The following NRXN3 variants were observed in gnomAD, a reference collection of about 807,000 sequenced individuals.
NRXN3 encodes neurexin 3, also known as neurexin III.
Under a neutral mutation model 137.6 loss-of-function variants are expected in NRXN3, and 32 were observed. That is an observed-to-expected ratio of 0.23 (90% CI 0.18 to 0.31). The LOEUF is 0.31. Among genes scored for constraint, NRXN3 ranks in the 10% least tolerant of loss-of-function variants. The pLI, the probability that NRXN3 is intolerant of heterozygous loss-of-function variation, is 1.00. For missense variants in NRXN3, 1,574 were observed against 2,062.5 expected (o/e 0.76, Z 4.59); for synonymous variants, 798 against 784.5 (o/e 1.02, Z -0.29).
rs913031616 is a variant in NRXN3, at chr14:79,768,087, G to A, written c.4015-37025G>A. On this transcript the variant is annotated intron_variant, in intron 19 of 20. Coordinates refer to ENST00000335750, the MANE Select transcript of NRXN3 (RefSeq NM_001330195.2). ...GACGGGCTTAAAAAATGGCGCACCA[G>A]GAGATTATATCCCTCACCTGGCTCG... 2.0e-5 allele frequency among the ~76,000 whole-genome samples: 3 copies of A among 152,358 alleles called. No individual in the cohort carries two copies. The South Asian group carries it at 6.2e-4, about 32-fold the overall frequency.
intron 15 of NRXN3, among the ~76,000 whole-genome samples, chr14:79,013,443 A>G (rs1024003612): frequency 4.0e-4 from 61 of 152,182 alleles, no homozygotes; most frequent in African/African-American, 1.4e-3. Context: ...CAAAAACAAT[A>G]TCCCAGTAAC....
intron 15 of NRXN3, among the ~76,000 whole-genome samples, chr14:79,440,415 G>A (rs1356266161): frequency 6.6e-6 from 1 of 152,166 alleles, no homozygotes. Flanking sequence ...AGCATGCCTG[G>A]AAAATACTGG....
intron 4 of NRXN3, among the ~76,000 whole-genome samples, chr14:78,532,344 A>G (rs1234533510): frequency 6.6e-6 from 1 of 150,480 alleles, no homozygotes; most frequent in East Asian, 2.0e-4. Context: ...AAAAGAAAAG[A>G]AAAGAAAAGA....
chr14:79,175,041 T>C (rs1389660365), intron 15 of NRXN3, among the ~76,000 whole-genome samples: 5 of 149,458 alleles, frequency 3.3e-5, no homozygotes, highest in Admixed American at 1.3e-4. Context: ...AGTGCAGTGG[T>C]GCCATCTCGG....
chr14:79,176,430 T>C (rs113052230), intron 15 of NRXN3, among the ~76,000 whole-genome samples: 156 of 152,292 alleles, frequency 1.0e-3, no homozygotes, highest in African/African-American at 3.5e-3. Flanking sequence ...GCCTATGGTG[T>C]TGAATAGGTG....
intron 15 of NRXN3, among the ~76,000 whole-genome samples, chr14:79,223,906 G>A (rs941202509): frequency 3.9e-5 from 6 of 152,036 alleles, no homozygotes; most frequent in Non-Finnish European, 4.4e-5. Flanking sequence ...TATTGCATGT[G>A]ACTTTACTAT....
At chr14:78,403,626 T>A in intron 4 of NRXN3, 1 of 722,028 alleles carries the variant, frequency 1.4e-6, no homozygotes, top group African/African-American at 1.9e-5. Flanking sequence ...TTGCCGGTGC[T>A]GCACTAAGAT....
intron 4 of NRXN3, among the ~76,000 whole-genome samples, chr14:78,465,331 A>G (rs898946940): frequency 1.3e-4 from 20 of 152,318 alleles, no homozygotes; most frequent in Non-Finnish European, 2.6e-4. Flanking sequence ...ATGGATTGGA[A>G]TCAGAGCCAT....
chr14:79,394,716 T>C (rs574762337), intron 15 of NRXN3, among the ~76,000 whole-genome samples: 1 of 152,320 alleles, frequency 6.6e-6, no homozygotes, highest in African/African-American at 2.4e-5. Context: ...TATGTAAATA[T>C]TATATCAATA....
intron 15 of NRXN3, among the ~76,000 whole-genome samples, chr14:79,015,228 G>A (rs547333434): frequency 1.3e-5 from 2 of 152,170 alleles, no homozygotes; most frequent in East Asian, 1.9e-4. Flanking sequence ...TTTGGTGGGG[G>A]GTTTGTTTAC....
In NRXN3 at chr14:79,073,977, T is replaced by C. The variant is rs529118667; in HGVS notation, c.3262+85836T>C. Among the ~76,000 whole-genome samples, 9 of 152,336 alleles carry C rather than the reference T, an allele frequency of 5.9e-5. No individual in the cohort carries two copies. The East Asian group carries it at 1.7e-3, about 29-fold the overall frequency. On this transcript the variant is annotated intron_variant, in intron 15 of 20. Coordinates refer to ENST00000335750, the MANE Select transcript of NRXN3 (RefSeq NM_001330195.2). Reference sequence around the variant, plus strand: ...AATCTCTGTAACACACGTAGAAAAGTACCTGCCATATGGTAGGCACAATAT... The same window carrying C: ...AATCTCTGTAACACACGTAGAAAAGCACCTGCCATATGGTAGGCACAATAT...
At chr14:78,340,382 T>G (rs993115006) in intron 4 of NRXN3, among the ~76,000 whole-genome samples, 2 of 152,188 alleles carry the variant, frequency 1.3e-5, no homozygotes, top group South Asian at 2.1e-4. Context: ...GGGAAGTATA[T>G]CAGTTATTTA....
At chr14:79,037,269 G>A (rs191520152) in intron 15 of NRXN3, among the ~76,000 whole-genome samples, 67 of 152,138 alleles carry the variant, frequency 4.4e-4, no homozygotes, top group Non-Finnish European at 6.0e-4. Flanking sequence ...TAAAAAGTGC[G>A]CGCATGTGCA....
intron 4 of NRXN3, among the ~76,000 whole-genome samples, chr14:78,640,381 C>A (rs1044288530): frequency 5.9e-5 from 9 of 152,272 alleles, no homozygotes; most frequent in Admixed American, 1.3e-4. Flanking sequence ...TATAGAAGTT[C>A]AAATTTTTTG....
intron 10 of NRXN3, among the ~76,000 whole-genome samples, chr14:78,864,841 C>T (rs759939425): frequency 6.6e-6 from 1 of 152,042 alleles, no homozygotes; most frequent in Non-Finnish European, 1.5e-5. Flanking sequence ...GCCTATTGTT[C>T]AGATTCTTCC....
At chr14:78,482,827 A>G (rs149882616) in intron 4 of NRXN3, among the ~76,000 whole-genome samples, 3 of 152,270 alleles carry the variant, frequency 2.0e-5, no homozygotes, top group African/African-American at 7.2e-5. Context: ...ATTAGTCAGC[A>G]TTACCCCCTC....
At chr14:79,617,589 A>G (rs940048316) in intron 16 of NRXN3, among the ~76,000 whole-genome samples, 1 of 152,198 alleles carries the variant, frequency 6.6e-6, no homozygotes, top group Non-Finnish European at 1.5e-5. Context: ...GCAGAAACAG[A>G]GATCCACATT....
At chr14:79,466,910 A>G (rs1041436964) in intron 15 of NRXN3, among the ~76,000 whole-genome samples, 1 of 152,138 alleles carries the variant, frequency 6.6e-6, no homozygotes, top group African/African-American at 2.4e-5. Flanking sequence ...AAAGTTGTTT[A>G]TTGCAATGTA....
intron 2 of NRXN3, among the ~76,000 whole-genome samples, chr14:78,277,609 G>A (rs1375355425): frequency 2.0e-5 from 3 of 152,182 alleles, no homozygotes; most frequent in Non-Finnish European, 1.5e-5. Context: ...GTGATTCTAA[G>A]TGAGCTATCC....
Sources: gnomAD v4.1 joint callset for allele counts (sites outside exome capture counted in the v4.1 genomes callset) on GRCh38, gnomAD v4.1.1 for gene constraint, MANE v1.5 for transcripts, NCBI Gene and HGNC (gene_info 2026-07-23, HGNC 2026-07-21) for gene names.